The following KAZN variants were observed in gnomAD, a reference collection of about 807,000 sequenced individuals.
KAZN encodes the protein kazrin, periplakin interacting protein.
In KAZN, 40 loss-of-function variants were observed where a neutral mutation model predicts 87.4. That is an observed-to-expected ratio of 0.46 (90% confidence interval 0.36 to 0.60). The LOEUF is 0.60. KAZN is among the 20% of genes least tolerant of loss of function. The pLI, the probability that KAZN is intolerant of heterozygous loss-of-function variation, is 0.00. For missense variants in KAZN, 898 were observed against 1,073.9 expected, an observed-to-expected ratio of 0.84 and a Z score of 2.29; for synonymous variants, 466 against 458.3, an observed-to-expected ratio of 1.02 and a Z score of -0.22.
At position 14,431,392 on chromosome 1, in the gene KAZN, C is replaced by A. The variant is rs370812960; in HGVS notation, c.250-167591C>A. Among the ~76,000 whole-genome samples, 24 of 152,228 alleles carry A rather than the reference C, an allele frequency of 1.6e-4. 1 individual carries two copies. In the East Asian group the frequency reaches 4.6e-3, roughly 29 times the overall value. On this transcript the variant is annotated intron_variant, in intron 2 of 16. Coordinates refer to the KAZN transcript ENST00000636203. ...CTCAAGTTTTTGGCTGTTCCAAGCC[C>A]CTACTTGGAGGATAAAAGGGCCCTA...
At position 14,042,711 on chromosome 1, in the gene KAZN, T is replaced by G. The variant is rs537317933; in HGVS notation, c.92-137724T>G. On this transcript the variant is annotated intron_variant, in intron 1 of 16. Coordinates refer to the KAZN transcript ENST00000636203. ...CAGATATTTCTTCATTTTGCCATCT[T>G]GGAACTGGAAGTCAAGCTGTCTATT... Among the ~76,000 whole-genome samples, 12 of 152,304 alleles carry G rather than the reference T, an allele frequency of 7.9e-5. No homozygotes were observed. The East Asian group carries it at 2.1e-3, about 27-fold the overall frequency.
At chr1:14,221,146 T>TGAAGG (rs1647088178) in intron 2 of KAZN, among the ~76,000 whole-genome samples, 5 of 152,334 alleles carry the variant, frequency 3.3e-5, no homozygotes, top group African/African-American at 1.2e-4. Context: ...ATTCCTTCAC[T>TGAAGG]AATTCACTTC....
At chr1:14,870,453 C>A (rs755410015) in intron 1 of KAZN, among the ~76,000 whole-genome samples, 83 of 152,178 alleles carry the variant, frequency 5.5e-4, no homozygotes, top group Non-Finnish European at 5.3e-4. Flanking sequence ...AGTGATTCTC[C>A]CACCTCAGCC....
intron 1 of KAZN, among the ~76,000 whole-genome samples, chr1:13,901,061 A>G (rs1639231493): frequency 6.6e-6 from 1 of 151,746 alleles, no homozygotes. Flanking sequence ...AAAACAAAAA[A>G]CAAAAAAAGA....
chr1:14,246,878 G>T (rs147386182), intron 2 of KAZN, among the ~76,000 whole-genome samples: 15 of 152,198 alleles, frequency 9.9e-5, no homozygotes, highest in African/African-American at 3.6e-4. Context: ...TCCCAGTGCA[G>T]CTTTGTAAAA....
chr1:14,085,814 C>T (rs147798020), intron 1 of KAZN, among the ~76,000 whole-genome samples: 1 of 152,226 alleles, frequency 6.6e-6, no homozygotes, highest in East Asian at 1.9e-4. Flanking sequence ...GTAAGTGTAA[C>T]TTTATAAGAA....
chr1:14,915,812 T>G (rs1380175721), intron 1 of KAZN, among the ~76,000 whole-genome samples: 3 of 152,128 alleles, frequency 2.0e-5, no homozygotes, highest in African/African-American at 7.2e-5. Flanking sequence ...TAGGGTGGCT[T>G]GGCGGGTTGA....
chr1:14,050,318 A>G (rs1000547938), intron 1 of KAZN, among the ~76,000 whole-genome samples: 1 of 152,218 alleles, frequency 6.6e-6, no homozygotes, highest in Non-Finnish European at 1.5e-5. Context: ...AGGCCAGACC[A>G]ACAGCTGAGT....
intron 1 of KAZN, among the ~76,000 whole-genome samples, chr1:14,821,077 T>C (rs1383432748): frequency 2.0e-5 from 3 of 152,098 alleles, no homozygotes; most frequent in Non-Finnish European, 4.4e-5. Flanking sequence ...GAGATCAAAA[T>C]AGTAGAGGCT....
In KAZN at chr1:14,715,943, T is replaced by C. The variant is rs1642771051; in HGVS notation, c.226+116720T>C. ...ATGGACGCTGGAGTGTTTCTAAGGA[T>C]GGGGGTGAAAGCGGTGCAACTGAAG... On this transcript the variant is annotated intron_variant, in intron 1 of 14. Transcript: ENST00000376030. 2.6e-5 allele frequency among the ~76,000 whole-genome samples: 4 copies of C among 152,126 alleles called. No individual in the cohort carries two copies. In the South Asian group the frequency reaches 8.3e-4, roughly 32 times the overall value.
intron 2 of KAZN, among the ~76,000 whole-genome samples, chr1:14,387,704 C>G (rs1344598665): frequency 6.6e-6 from 1 of 151,484 alleles, no homozygotes; most frequent in Admixed American, 6.6e-5. Flanking sequence ...GGGAGAACCA[C>G]TGCTCTCTTC....
At chr1:14,635,647 T>G (rs1348514305) in intron 1 of KAZN, among the ~76,000 whole-genome samples, 1 of 152,218 alleles carries the variant, frequency 6.6e-6, no homozygotes, top group Non-Finnish European at 1.5e-5. Flanking sequence ...AGGGCATCAT[T>G]GGAGATGCAA....
chr1:14,295,302 A>G (rs765298533), intron 2 of KAZN, among the ~76,000 whole-genome samples: 3 of 152,128 alleles, frequency 2.0e-5, no homozygotes, highest in Non-Finnish European at 2.9e-5. Context: ...CAATGACTCA[A>G]ATGTCCAGTT....
chr1:15,086,515 A>G (rs1483747380), intron 8 of KAZN, among the ~76,000 whole-genome samples: 1 of 152,236 alleles, frequency 6.6e-6, no homozygotes, highest in Non-Finnish European at 1.5e-5. Context: ...TAATCGAAAA[A>G]TCTTTTAAAC....
intron 1 of KAZN, among the ~76,000 whole-genome samples, chr1:14,145,908 A>G (rs1007572480): frequency 2.6e-5 from 4 of 152,222 alleles, no homozygotes; most frequent in African/African-American, 4.8e-5. Context: ...GGTCATGATT[A>G]TACTTCCTGT....
intron 1 of KAZN, among the ~76,000 whole-genome samples, chr1:14,133,486 TCTC>T (rs1645043339): frequency 6.6e-6 from 1 of 151,180 alleles, no homozygotes; most frequent in Admixed American, 6.6e-5. Context: ...AAAATAATTT[TCTC>T]CTCTATTATC....
At chr1:14,274,704 G>T (rs1278322628) in intron 2 of KAZN, among the ~76,000 whole-genome samples, 1 of 152,172 alleles carries the variant, frequency 6.6e-6, no homozygotes, top group Admixed American at 6.5e-5. Context: ...CCACATATTA[G>T]CTGTGACGTG....
intron 2 of KAZN, among the ~76,000 whole-genome samples, chr1:14,427,738 G>A (rs371549162): frequency 7.9e-5 from 12 of 152,166 alleles, no homozygotes; most frequent in South Asian, 2.1e-4. Flanking sequence ...TGAGTTTGCC[G>A]CCCACCAAGC....
chr1:14,834,439 G>A (rs572542754), intron 1 of KAZN, among the ~76,000 whole-genome samples: 2 of 144,098 alleles, frequency 1.4e-5, no homozygotes, highest in Admixed American at 7.3e-5. Context: ...TCGGCTCACT[G>A]CAAGCTCCGC....
Sources: allele counts gnomAD v4.1 joint callset (sites outside exome capture counted in the v4.1 genomes callset), GRCh38; gene constraint gnomAD v4.1.1; transcripts MANE v1.5; gene names NCBI Gene and HGNC (gene_info 2026-07-23, HGNC 2026-07-21).